Variants in GRPR observed in about 807,000 individuals in gnomAD.
GRPR encodes gastrin-releasing peptide receptor.
A neutral mutation model predicts 15.6 loss-of-function variants in GRPR; 4 were observed. The ratio of observed to expected loss-of-function variants is 0.26; its 90% CI spans 0.13 to 0.59. The LOEUF is 0.59. Ranked by LOEUF, GRPR falls within the 20% of genes least tolerant of loss-of-function variation. The pLI is 0.90. For missense variants in GRPR, 270 were observed against 304.1 expected (o/e 0.89, Z 0.83); for synonymous variants, 128 against 126.8 (o/e 1.01, Z -0.06).
intron 1 of GRPR, among the ~76,000 whole-genome samples, chrX:16,137,102 T>C (rs191370197): frequency 2.7e-4 from 30 of 111,438 alleles, no homozygotes; most frequent in African/African-American, 9.8e-4. Context: ...CAGGACAGAC[T>C]TCCTAAGGAA....
At chrX:16,141,317 T>C (rs1417185689) in intron 1 of GRPR, among the ~76,000 whole-genome samples, 1 of 112,433 alleles carries the variant, frequency 8.9e-6, no homozygotes, top group Non-Finnish European at 1.9e-5. Context: ...TATGAGAAAG[T>C]GCCATAAGAT....
chrX:16,142,395 TTC>T (rs754455357), intron 1 of GRPR, among the ~76,000 whole-genome samples: 1 of 111,777 alleles, frequency 8.9e-6, no homozygotes, highest in African/African-American at 3.2e-5. Context: ...TAGATTTTTT[TTC>T]TCTCTTTCTT....
chrX:16,134,908 A>C (rs1922426370), intron 1 of GRPR, among the ~76,000 whole-genome samples: 1 of 111,414 alleles, frequency 9.0e-6, no homozygotes, highest in Non-Finnish European at 1.9e-5. Context: ...ATAGATTTTT[A>C]AAACTTTTCC....
At chrX:16,131,092 G>A (rs1004582174) in intron 1 of GRPR, among the ~76,000 whole-genome samples, 4 of 112,199 alleles carry the variant, frequency 3.6e-5, no homozygotes, top group African/African-American at 1.3e-4. Context: ...AATATGCATA[G>A]AGGCAAAAAA....
chrX:16,152,757 A>C lies in GRPR; in HGVS notation c.*112A>C. The stretch of plus-strand genomic sequence containing the variant: ...CCAAAGAGCCTTCAGAATGCTCCTG[A>C]GTGGTGTAGGTGGGGGTGGGGAGGC... On this transcript the variant is annotated 3_prime_UTR_variant, in exon 3 of 3. Coordinates refer to ENST00000380289, the MANE Select transcript of GRPR (RefSeq NM_005314.3). 2.3e-6 allele frequency: 1 copy of C among 438,944 alleles called. No homozygotes were observed. The highest frequency in any genetic ancestry group is 4.1e-6 in the Non-Finnish European group (1 of 242,099). 36.2% of individuals were successfully genotyped at this position (438,944 alleles called of 1,213,427 possible). A position where few individuals can be genotyped will look rare whatever the true frequency, so the allele number is the denominator to read the frequency against.
At chrX:16,134,766 G>A (rs995581854) in intron 1 of GRPR, among the ~76,000 whole-genome samples, 33 of 110,813 alleles carry the variant, frequency 3.0e-4, no homozygotes, top group African/African-American at 9.8e-4. Context: ...CTCTGCTGCT[G>A]CTTGACATTT....
chrX:16,152,585 C>A lies in GRPR; in HGVS notation c.1095C>A (p.Asn365Lys). ...TTCMTSLKST[N>K]PSVATFSLIN... is the part of the protein sequence containing the mutation. Reference sequence around the variant, plus strand: ...GCATGACCTCCCTCAAGAGTACCAACCCCTCCGTGGCCACCTTTAGCCTCA... The same window carrying A: ...GCATGACCTCCCTCAAGAGTACCAAACCCTCCGTGGCCACCTTTAGCCTCA... The change falls in exon 3 of 3, where the codon AAC becomes AAA. Residue 365 changes from asparagine to lysine, a missense_variant. By Grantham distance (94) the Asn-to-Lys change is moderately conservative. This residue lies in a region of GRPR where 133 missense variants were observed against 123.4 expected (regional missense o/e 1.08). Coordinates refer to ENST00000380289, the MANE Select transcript of GRPR (RefSeq NM_005314.3). 1 of 1,207,215 alleles carries A rather than the reference C, an allele frequency of 8.3e-7. No individual in the cohort carries two copies. Among genetic ancestry groups the A allele is most frequent in the African/African-American group, 1.7e-5 (1 of 57,733 alleles).
At chrX:16,135,733 T>C (rs1337042477) in intron 1 of GRPR, among the ~76,000 whole-genome samples, 1 of 112,230 alleles carries the variant, frequency 8.9e-6, no homozygotes, top group Non-Finnish European at 1.9e-5. Flanking sequence ...CAATAGAAAA[T>C]TATGTACAAA....
At position 16,152,440 on chromosome X, in the gene GRPR, T is replaced by G. The variant is rs1394976418; in HGVS notation, c.950T>G (p.Val317Gly). 11 of 1,209,152 alleles carry G rather than the reference T, an allele frequency of 9.1e-6. No homozygotes were observed. Among genetic ancestry groups the G allele is most frequent in the Non-Finnish European group, 1.2e-5 (11 of 893,121 alleles). ...CTCCTGGCCTTCACCAACTCCTGCG[T>G]GAACCCCTTTGCCCTCTACCTGCTG... is the stretch of plus-strand genomic sequence containing the variant. Reference protein sequence around the residue: ...ARLLAFTNSCVNPFALYLLSK... With the variant: ...ARLLAFTNSCGNPFALYLLSK... The change falls in exon 3 of 3, where the codon GTG (valine) becomes GGG (glycine). Residue 317 changes from valine to glycine, a missense_variant. Physicochemically the swap from Val to Gly is moderately radical, Grantham distance 109 (BLOSUM62 -3). This residue lies in a region of GRPR where 133 missense variants were observed against 123.4 expected (regional missense o/e 1.08). Transcript: ENST00000380289.
intron 2 of GRPR, among the ~76,000 whole-genome samples, chrX:16,151,229 G>A (rs187100891): frequency 4.4e-4 from 49 of 112,270 alleles, no homozygotes; most frequent in African/African-American, 1.5e-3. Context: ...GAGAGTATAT[G>A]TAAGGCCTAC....
At chrX:16,130,779 G>GT (rs1922365070) in intron 1 of GRPR, among the ~76,000 whole-genome samples, 1 of 112,451 alleles carries the variant, frequency 8.9e-6, no homozygotes, top group Admixed American at 9.4e-5. Flanking sequence ...GCTGGAACCA[G>GT]TTTACATAAG....
intron 1 of GRPR, among the ~76,000 whole-genome samples, chrX:16,129,391 C>T (rs1318428061): frequency 8.9e-6 from 1 of 111,867 alleles, no homozygotes; most frequent in Non-Finnish European, 1.9e-5. Context: ...ACACCAGCCA[C>T]ACATCAAGTG....
chrX:16,125,770 T>C (rs1189696676), intron 1 of GRPR, among the ~76,000 whole-genome samples: 1 of 111,511 alleles, frequency 9.0e-6, no homozygotes, highest in Non-Finnish European at 1.9e-5. Flanking sequence ...CTCCATTCCC[T>C]CCATTCCCCT....
At position 16,152,707 on chromosome X, in the gene GRPR, G is replaced by T; in HGVS notation, c.*62G>T. 1 of 1,031,298 alleles carries T rather than the reference G, an allele frequency of 9.7e-7. No homozygotes were observed. The highest frequency in any genetic ancestry group is 1.4e-6 in the Non-Finnish European group (1 of 733,030). The allele number at this position is 1,031,298 out of a possible 1,213,427, so 85.0% of individuals were successfully genotyped here. On this transcript the variant is annotated 3_prime_UTR_variant, in exon 3 of 3. Transcript: ENST00000380289. ...GCTTTATGGCTAGACAGGAACCCTT[G>T]CATCCATTGTTGTGTCTGTGCCCTC...
intron 1 of GRPR, among the ~76,000 whole-genome samples, chrX:16,129,546 G>A (rs779424961): frequency 1.8e-5 from 2 of 111,454 alleles, no homozygotes; most frequent in African/African-American, 3.3e-5. Flanking sequence ...CAGGATACAC[G>A]TTTGCTCCTC....
In GRPR at chrX:16,153,376, C is replaced by T. The variant is rs1922750482; in HGVS notation, c.*731C>T. ...CCACGCGTGGCTGTGCGTGATATCT[C>T]ACACTCTGAATTCTTACTTGATGGA... On this transcript the variant is annotated 3_prime_UTR_variant, in exon 3 of 3. Transcript: ENST00000380289. 1 of 111,935 alleles carries T rather than the reference C, an allele frequency of 8.9e-6. No individual in the cohort carries two copies. Among genetic ancestry groups the T allele is most frequent in the African/African-American group, 3.2e-5 (1 of 30,783 alleles). 9.2% of individuals were successfully genotyped at this position (111,935 alleles called of 1,213,427 possible).
intron 1 of GRPR, among the ~76,000 whole-genome samples, chrX:16,140,539 G>A (rs1922515926): frequency 9.0e-6 from 1 of 111,412 alleles, no homozygotes; most frequent in Admixed American, 9.5e-5. Flanking sequence ...GTGATCTCTG[G>A]CCAAGGAAAG....
intron 2 of GRPR, among the ~76,000 whole-genome samples, chrX:16,151,793 G>A (rs1451707562): frequency 8.9e-6 from 1 of 112,313 alleles, no homozygotes; most frequent in African/African-American, 3.2e-5. Context: ...CTCTTTCTGA[G>A]CATGAGAGGG....
intron 1 of GRPR, among the ~76,000 whole-genome samples, chrX:16,129,209 C>T (rs1922341424): frequency 8.9e-6 from 1 of 112,401 alleles, no homozygotes; most frequent in East Asian, 2.8e-4. Context: ...TTTCTGCAAA[C>T]TTCTTGAAGT....
Sources: gnomAD v4.1 joint callset for allele counts (sites outside exome capture counted in the v4.1 genomes callset) on GRCh38, gnomAD v4.1.1 for gene constraint, gnomAD v4.1.1 regional missense constraint, MANE v1.5 for transcripts, NCBI Gene and HGNC (gene_info 2026-07-23, HGNC 2026-07-21) for gene names.